Variants in MALAT1 observed in about 807,000 individuals in gnomAD.
MALAT1 encodes hepcarcin.
exon 3 of MALAT1, chr11:65,500,190 A>G (rs1457560792): frequency 2.0e-6 from 1 of 509,534 alleles, no homozygotes; most frequent in South Asian, 1.4e-5. Flanking sequence ...TGTAATTTAA[A>G]AAAAACTAAG....
chr11:65,503,780 A>G, exon 3 of MALAT1: 1 of 515,108 alleles, frequency 1.9e-6, no homozygotes, highest in Non-Finnish European at 3.9e-6. Flanking sequence ...TTTGAGCGGA[A>G]GAACGAATGT....
At chr11:65,500,456 G>A (rs779822135) in exon 3 of MALAT1, 3 of 518,894 alleles carry the variant, frequency 5.8e-6, no homozygotes, top group African/African-American at 1.9e-5. Context: ...CAGGATTCCA[G>A]GAACCAGTGT....
chr11:65,505,094 T>G, intron 3 of MALAT1: 1 of 519,030 alleles, frequency 1.9e-6, no homozygotes. Context: ...AGATTTCAGC[T>G]TTATGCTGGA....
chr11:65,506,226 C>T (rs758298504), intron 3 of MALAT1: 1 of 456,642 alleles, frequency 2.2e-6, no homozygotes, highest in Non-Finnish European at 4.2e-6. Flanking sequence ...TTCTCCTTTT[C>T]TCTGCAGGTG....
exon 3 of MALAT1, chr11:65,499,460 T>G (rs1315036738): frequency 2.1e-6 from 1 of 468,096 alleles, no homozygotes; most frequent in Admixed American, 2.4e-5. Context: ...TTAAAAGTTG[T>G]AGGTGATTAA....
exon 3 of MALAT1, chr11:65,499,047 G>C: frequency 1.9e-6 from 1 of 518,122 alleles, no homozygotes; most frequent in Non-Finnish European, 3.9e-6. Flanking sequence ...TGTGCGGTAG[G>C]CATTGAGGCA....
chr11:65,500,202 C>T (rs747744167), exon 3 of MALAT1: 6 of 511,928 alleles, frequency 1.2e-5, no homozygotes, highest in African/African-American at 5.8e-5. Flanking sequence ...AAAACTAAGG[C>T]AGAAGGCTTT....
At chr11:65,500,188 A>T (rs779050288) in exon 3 of MALAT1, 35 of 507,422 alleles carry the variant, frequency 6.9e-5, no homozygotes, top group Admixed American at 1.2e-4. Context: ...GGTGTAATTT[A>T]AAAAAAACTA....
intron 3 of MALAT1, chr11:65,506,064 T>C (rs1854686965): frequency 4.6e-6 from 2 of 436,850 alleles, no homozygotes; most frequent in South Asian, 1.7e-5. Flanking sequence ...CGTATTGTTT[T>C]CTCAGGTTTT....
intron 3 of MALAT1, chr11:65,504,951 G>A (rs1854647812): frequency 1.9e-6 from 1 of 518,838 alleles, no homozygotes; most frequent in Non-Finnish European, 3.8e-6. Flanking sequence ...AGTTCTTTCA[G>A]ATGGTATTCT....
chr11:65,504,005 T>C (rs1166489350), intron 3 of MALAT1: 1 of 517,516 alleles, frequency 1.9e-6, no homozygotes, highest in East Asian at 5.4e-5. Flanking sequence ...CTTTTTCACA[T>C]TTCCAAAGTT....
At chr11:65,506,515 A>G, downstream of MALAT1, 1 of 268,194 alleles carries the variant, frequency 3.7e-6, no homozygotes, top group Non-Finnish European at 7.4e-6. Context: ...TTGGGGAAAA[A>G]AGATGGGTGT....
At chr11:65,504,512 G>A (rs758933485) in intron 3 of MALAT1, 1 of 518,908 alleles carries the variant, frequency 1.9e-6, no homozygotes, top group South Asian at 1.4e-5. Context: ...GAGTGATAAA[G>A]GCTGAGTGTT....
At chr11:65,506,004 A>G (rs745682637) in intron 3 of MALAT1, 28 of 465,766 alleles carry the variant, frequency 6.0e-5, no homozygotes, top group Admixed American at 1.9e-4. Flanking sequence ...CTGATCTCCA[A>G]TGCTCTTCAG....
At chr11:65,498,745 A>T (rs1854462834) in intron 2 of MALAT1, 1 of 518,798 alleles carries the variant, frequency 1.9e-6, no homozygotes, top group Non-Finnish European at 3.8e-6. Flanking sequence ...GTATTTTAAA[A>T]GTTCCGGGGG....
intron 3 of MALAT1, chr11:65,505,732 T>C (rs1210897627): frequency 1.9e-6 from 1 of 518,836 alleles, no homozygotes; most frequent in Non-Finnish European, 3.8e-6. Flanking sequence ...GCCTGCAAAT[T>C]GTTAACAGAA....
chr11:65,498,120 C>T (rs760434688), intron 1 of MALAT1: 150 of 518,782 alleles, frequency 2.9e-4, no homozygotes, highest in Non-Finnish European at 4.8e-4. Context: ...AACAAAAACC[C>T]CTAAAAAAGC....
exon 3 of MALAT1, chr11:65,499,209 G>A (rs1245216053): frequency 6.0e-6 from 3 of 502,726 alleles, no homozygotes; most frequent in East Asian, 1.1e-4. Context: ...AGTTTTTAAC[G>A]TAATTTTAAT....
chr11:65,498,129 G>T (rs550955655), intron 1 of MALAT1: 1 of 518,848 alleles, frequency 1.9e-6, no homozygotes, highest in East Asian at 5.4e-5. Flanking sequence ...CCCTAAAAAA[G>T]CAGACCCAGA....
Sources: allele counts gnomAD v4.1 joint callset, GRCh38; gene constraint gnomAD v4.1.1; transcripts MANE v1.5; gene names NCBI Gene and HGNC (gene_info 2026-07-23, HGNC 2026-07-21).